The following GYPE variants were observed in gnomAD, a reference collection of about 807,000 sequenced individuals.
GYPE encodes the protein glycophorin-E.
Under a neutral mutation model 11.6 loss-of-function variants are expected in GYPE, and 8 were observed. The observed-to-expected ratio is 0.69, with a 90% CI of 0.41 to 1.25. The LOEUF (loss-of-function observed/expected upper bound fraction) is 1.25, where lower values mean the gene tolerates loss of function less well. Among genes scored for constraint, GYPE ranks in the 50% most tolerant of loss-of-function variants. GYPE has a pLI of 0.01. For missense variants in GYPE, 90 were observed against 92.8 expected (o/e 0.97, Z 0.12); for synonymous variants, 28 against 29.6 (o/e 0.94, Z 0.18).
At chr4:143,888,795 ATAGT>A (rs1471164870) in intron 1 of GYPE, among the ~76,000 whole-genome samples, 2 of 139,380 alleles carry the variant, frequency 1.4e-5, no homozygotes, top group Non-Finnish European at 3.1e-5. Flanking sequence ...TTGTGATAAT[ATAGT>A]TAGATACCCA....
intron 1 of GYPE, among the ~76,000 whole-genome samples, chr4:143,895,987 A>C (rs1410515499): frequency 2.6e-5 from 4 of 152,106 alleles, no homozygotes; most frequent in African/African-American, 7.2e-5. Flanking sequence ...CCTTCCTTAC[A>C]CTTTATACAA....
chr4:143,884,013 G>C (rs188094468), intron 1 of GYPE, among the ~76,000 whole-genome samples: 2 of 151,782 alleles, frequency 1.3e-5, no homozygotes, highest in South Asian at 2.1e-4. Context: ...TCTATGGGAG[G>C]GTGCTGCAAT....
intron 1 of GYPE, among the ~76,000 whole-genome samples, chr4:143,903,630 T>C (rs1410050957): frequency 6.6e-6 from 1 of 151,718 alleles, no homozygotes; most frequent in African/African-American, 2.4e-5. Flanking sequence ...TCTGTTATAC[T>C]ATTAAGTAGC....
At chr4:143,881,354 ATAAAT>A (rs1204685164) in intron 1 of GYPE, among the ~76,000 whole-genome samples, 3 of 152,116 alleles carry the variant, frequency 2.0e-5, no homozygotes, top group East Asian at 1.9e-4. Context: ...ATAAAATTTT[ATAAAT>A]TAAATTCTTT....
At chr4:143,875,685 T>C (rs1302712177) in intron 3 of GYPE, among the ~76,000 whole-genome samples, 1 of 152,024 alleles carries the variant, frequency 6.6e-6, no homozygotes, top group Non-Finnish European at 1.5e-5. Context: ...AAACCCTAAT[T>C]GGGGCCAGGC....
At chr4:143,873,343 G>A (rs1206342650) in intron 3 of GYPE, 2 of 434,540 alleles carry the variant, frequency 4.6e-6, no homozygotes, top group South Asian at 1.7e-5. Context: ...GCTGAGAATG[G>A]AAATAATTTT....
At chr4:143,874,691 C>T (rs867450504) in intron 3 of GYPE, among the ~76,000 whole-genome samples, 1 of 152,188 alleles carries the variant, frequency 6.6e-6, no homozygotes, top group African/African-American at 2.4e-5. Flanking sequence ...AGGAAACGTG[C>T]TGCACATTGG....
At position 143,879,803 on chromosome 4, in the gene GYPE, A is replaced by G. The variant is rs151117080; in HGVS notation, c.136+608T>C. 7.7e-3 allele frequency among the ~76,000 whole-genome samples: 1,167 copies of G among 152,258 alleles called. 22 individuals are homozygous for G. The highest frequency in any genetic ancestry group is 0.026 in the African/African-American group (1,098 of 41,520). On this transcript the variant is annotated intron_variant, in intron 2 of 3. Coordinates refer to ENST00000358615, the MANE Select transcript of GYPE (RefSeq NM_198682.3). Reference sequence around the variant, plus strand: ...AATCTCCCACATCCCTCCCAGCAGCAGCTCCAGAATTTCTTCTTCTCCCCT... The same window carrying G: ...AATCTCCCACATCCCTCCCAGCAGCGGCTCCAGAATTTCTTCTTCTCCCCT...
At chr4:143,892,063 A>T (rs1268552054) in intron 1 of GYPE, among the ~76,000 whole-genome samples, 1 of 152,120 alleles carries the variant, frequency 6.6e-6, no homozygotes, top group Non-Finnish European at 1.5e-5. Flanking sequence ...CAAGGAATCT[A>T]TCCATTTCTT....
At position 143,897,245 on chromosome 4, in the gene GYPE, C is replaced by T. The variant is rs530916222; in HGVS notation, c.37+8226G>A. Among the ~76,000 whole-genome samples the T allele has an allele frequency of 9.9e-5, 15 of 152,156 alleles. No homozygotes were observed. The South Asian group carries it at 3.1e-3, about 32-fold the overall frequency. On this transcript the variant is annotated intron_variant, in intron 1 of 3. Transcript: ENST00000358615. ...TTGGGAGGCCAAGGCAGGAGGATTG[C>T]TTGAGGCCAGGAGCTCGAGACCACC...
chr4:143,877,688 C>T (rs1217656842), intron 2 of GYPE, among the ~76,000 whole-genome samples: 5 of 151,516 alleles, frequency 3.3e-5, no homozygotes, highest in East Asian at 3.9e-4. Context: ...TGTTGCCCAG[C>T]CTTCTTGACC....
At chr4:143,872,406 A>G (rs1357954156) in intron 3 of GYPE, among the ~76,000 whole-genome samples, 154 bp from the exon 4 acceptor site, 1 of 152,202 alleles carries the variant, frequency 6.6e-6, no homozygotes, top group Non-Finnish European at 1.5e-5. Flanking sequence ...TCCATGCAGT[A>G]TAAGCAAATT....
chr4:143,898,017 GAATT>G (rs2149915532), intron 1 of GYPE, among the ~76,000 whole-genome samples: 1 of 151,846 alleles, frequency 6.6e-6, no homozygotes, highest in African/African-American at 2.4e-5. Flanking sequence ...TGTCAGTTGT[GAATT>G]AATGAATTCA....
intron 2 of GYPE, chr4:143,878,732 A>T: frequency 4.3e-6 from 2 of 467,294 alleles, no homozygotes; most frequent in Admixed American, 2.5e-5. Flanking sequence ...CAAAGAAAAA[A>T]ATCATTTTGG....
chr4:143,889,171 T>G (rs62338503), intron 1 of GYPE, among the ~76,000 whole-genome samples: 36,293 of 150,756 alleles, frequency 0.24, 5,330 homozygotes, highest in South Asian at 0.32. Flanking sequence ...CTCGAAGGTG[T>G]TGTGGCCTAG....
At chr4:143,892,993 C>T (rs1744471949) in intron 1 of GYPE, among the ~76,000 whole-genome samples, 1 of 138,090 alleles carries the variant, frequency 7.2e-6, no homozygotes, top group Non-Finnish European at 1.6e-5. Context: ...TCTGGGTGCT[C>T]CTGTATTGGG....
chr4:143,878,638 T>C lies in GYPE; in HGVS notation c.136+1773A>G, dbSNP rs1432947709. 13 of 480,768 alleles carry C rather than the reference T, an allele frequency of 2.7e-5. 2 individuals are homozygous for C. The highest frequency in any genetic ancestry group is 4.8e-5 in the Non-Finnish European group (11 of 231,024). 29.8% of individuals were successfully genotyped at this position (480,768 alleles called of 1,614,324 possible). A position where few individuals can be genotyped will look rare whatever the true frequency, so the allele number is the denominator to read the frequency against. ...TGATTCTTTGTCAAATATTAACATA[T>C]CTGCTTCAGGGAAACGATGGACAAG... On this transcript the variant is annotated intron_variant, in intron 2 of 3. Transcript: ENST00000358615.
chr4:143,889,874 G>A (rs1744339455), intron 1 of GYPE, among the ~76,000 whole-genome samples: 1 of 152,116 alleles, frequency 6.6e-6, no homozygotes, highest in Admixed American at 6.5e-5. Flanking sequence ...CAGAAACATT[G>A]CCCGACTTGC....
chr4:143,905,106 C>T (rs557126746), intron 1 of GYPE, among the ~76,000 whole-genome samples: 3 of 152,088 alleles, frequency 2.0e-5, no homozygotes, highest in African/African-American at 7.2e-5. Context: ...CCATATAACA[C>T]CTTTGTTAAT....
Sources: gnomAD v4.1 joint callset for allele counts (sites outside exome capture counted in the v4.1 genomes callset) on GRCh38, gnomAD v4.1.1 for gene constraint, MANE v1.5 for transcripts, NCBI Gene and HGNC (gene_info 2026-07-23, HGNC 2026-07-21) for gene names.